The following GRIP2 variants were observed in gnomAD, a reference collection of about 807,000 sequenced individuals.
GRIP2 encodes the protein glutamate receptor-interacting protein 2.
A neutral mutation model predicts 108.3 loss-of-function variants in GRIP2; 58 were observed. The observed-to-expected ratio is 0.54, with a 90% CI of 0.43 to 0.67. The LOEUF is 0.67. Among genes scored for constraint, GRIP2 ranks in the 30% least tolerant of loss-of-function variants. The probability of loss-of-function intolerance (pLI) is 0.00; values close to 1 mark genes in which losing one functional copy is unlikely to be tolerated. For missense variants in GRIP2, 1,278 were observed against 1,430.6 expected, an observed-to-expected ratio of 0.89 and a Z score of 1.72; for synonymous variants, 586 against 598.2, an observed-to-expected ratio of 0.98 and a Z score of 0.30.
chr3:14,573,968 C>T, the GRIP2 span: 6 of 1,080,292 alleles, frequency 5.6e-6, no homozygotes, highest in African/African-American at 1.6e-5. Context: ...TGTGCACCTG[C>T]GGATCCTGGC....
intron 5 of GRIP2, 86 bp downstream of exon 5, chr3:14,523,526 A>G: frequency 2.3e-6 from 2 of 870,468 alleles, no homozygotes; most frequent in Non-Finnish European, 3.8e-6. Context: ...CACATAAATT[A>G]CATTCAAATC....
At chr3:14,578,666 G>A in the GRIP2 span, among the ~76,000 whole-genome samples, 1 of 151,746 alleles carries the variant, frequency 6.6e-6, no homozygotes, top group Non-Finnish European at 1.5e-5. Flanking sequence ...GCAGTGAGCT[G>A]AGATTGTGCC....
At chr3:14,577,413 G>A in the GRIP2 span, among the ~76,000 whole-genome samples, 1 of 152,186 alleles carries the variant, frequency 6.6e-6, no homozygotes, top group East Asian at 1.9e-4. Context: ...CAGAGACAAA[G>A]CAGAGAGAGA....
chr3:14,540,583 G>A (rs988942368), upstream of GRIP2, among the ~76,000 whole-genome samples: 7 of 152,202 alleles, frequency 4.6e-5, no homozygotes, highest in African/African-American at 1.7e-4. The surrounding 1 kb of genome is among the most constrained non-coding windows in gnomAD (Gnocchi z 4.1). Context: ...CTTCCCCCAG[G>A]GCTCTCAGGC....
chr3:14,523,664 T>C lies in GRIP2; in HGVS notation c.438A>G (p.Thr146=). Residue 146 remains threonine, a synonymous_variant, in exon 5 of 24, where the codon ACA becomes ACG. Coordinates refer to ENST00000621039, the MANE Select transcript of GRIP2 (RefSeq NM_001080423.4). ...PENNPRIISK[T]VDVSLYKEGN... ...CCTCCTTGTAGAGGGAGACGTCCAC[T>C]GTCTTTGAAATGATCCTGGGGTTAT... 6.2e-7 allele frequency: 1 copy of C among 1,612,290 alleles called. No homozygotes were observed. Among genetic ancestry groups the C allele is most frequent in the African/African-American group, 1.3e-5 (1 of 75,038 alleles).
chr3:14,569,301 G>A, the GRIP2 span, among the ~76,000 whole-genome samples: 2 of 152,200 alleles, frequency 1.3e-5, no homozygotes, highest in East Asian at 1.9e-4. Flanking sequence ...TCTTAGAATC[G>A]GGCTGTGTCA....
chr3:14,602,827 C>A, the GRIP2 span, among the ~76,000 whole-genome samples: 1 of 151,662 alleles, frequency 6.6e-6, no homozygotes, highest in Non-Finnish European at 1.5e-5. The surrounding 1 kb of genome is among the most constrained non-coding windows in gnomAD (Gnocchi z 4.7). Flanking sequence ...CCCTCCCCGG[C>A]GCCCCAGGCG....
the GRIP2 span, among the ~76,000 whole-genome samples, chr3:14,581,592 A>G: frequency 1.3e-5 from 2 of 152,208 alleles, no homozygotes; most frequent in Non-Finnish European, 2.9e-5. Context: ...TGCTGGAGCC[A>G]TCTGCATGTT....
upstream of GRIP2, among the ~76,000 whole-genome samples, chr3:14,543,234 C>T (rs1211424836): frequency 6.6e-6 from 1 of 152,244 alleles, no homozygotes; most frequent in Non-Finnish European, 1.5e-5. Flanking sequence ...GCATCTGCAT[C>T]ACCCGGAGCT....
rs954854025 is a variant in GRIP2, at chr3:14,493,781, G to A, written c.3016C>T (p.Pro1006Ser). 1 of 1,613,446 alleles carries A rather than the reference G, an allele frequency of 6.2e-7. No homozygotes were observed. Among genetic ancestry groups the A allele is most frequent in the Non-Finnish European group, 8.5e-7 (1 of 1,179,666 alleles). Residue 1006 changes from proline to serine, a missense_variant, in exon 24 of 24, where the codon CCA becomes TCA. Physicochemically the swap from Pro to Ser is moderately conservative, Grantham distance 74 (BLOSUM62 -1). Transcript: ENST00000621039. ...ACATCACCCGCCTCGGCCAGGAGTG[G>A]CACCGCCAGGCAGCAGTCGAAGTCC... ...TRDFDCCLAV[P>S]LLAEAGDVLE...
upstream of GRIP2, among the ~76,000 whole-genome samples, chr3:14,544,280 G>T (rs1468004024): frequency 6.6e-6 from 1 of 152,176 alleles, no homozygotes; most frequent in Non-Finnish European, 1.5e-5. Context: ...TCTCAGTGGG[G>T]CACCACTGGC....
Position 14,505,638 on chromosome 3 carries a change from C to T in GRIP2, c.2550G>A (p.Glu850=), listed in dbSNP as rs752690741. 4.5e-6 allele frequency: 7 copies of T among 1,566,176 alleles called. No homozygotes were observed. Among genetic ancestry groups the T allele is most frequent in the African/African-American group, 2.7e-5 (2 of 73,578 alleles). ...ADESFPEEEE[E]DDWEPPTSPA... ...ACCTCGTTGGCGGCTCCCAATCATC[C>T]TCCTCCTCCTCCTCTGGAAAGCTCT... The change falls in exon 20 of 24, where the codon GAG becomes GAA. Residue 850 remains glutamate, a synonymous_variant. Coordinates refer to ENST00000621039, the MANE Select transcript of GRIP2 (RefSeq NM_001080423.4). The surrounding 1 kb of genome is among the most constrained non-coding windows in gnomAD (Gnocchi z 4.2).
chr3:14,515,512 T>C (rs1694223890), intron 11 of GRIP2, among the ~76,000 whole-genome samples: 1 of 152,070 alleles, frequency 6.6e-6, no homozygotes, highest in Non-Finnish European at 1.5e-5. Context: ...TCAAACAAAA[T>C]TTATTTGGTA....
chr3:14,515,127 A>G (rs1307480902), intron 11 of GRIP2, among the ~76,000 whole-genome samples: 1 of 152,210 alleles, frequency 6.6e-6, no homozygotes, highest in Non-Finnish European at 1.5e-5. Flanking sequence ...TTCACTTGGC[A>G]TAATGTTTTC....
Position 14,520,239 on chromosome 3 carries a change from C to G in GRIP2, c.901G>C (p.Asp301His). The part of the protein sequence containing the change: ...LHPGDHILSI[D>H]GTSMEHCSLL... ...GAGCAGTGTTCCATGCTGGTGCCAT[C>G]GATGGACAGGATGTGGTCTCCAGGG... Residue 301 changes from aspartate (D) to histidine (H), a missense_variant, in exon 9 of 24, where the codon GAT (aspartate) becomes CAT (histidine). Asp to His is a moderately conservative substitution (Grantham distance 81). Coordinates refer to ENST00000621039, the MANE Select transcript of GRIP2 (RefSeq NM_001080423.4). 1 of 1,613,874 alleles carries G rather than the reference C, an allele frequency of 6.2e-7. No individual in the cohort carries two copies. Among genetic ancestry groups the G allele is most frequent in the Non-Finnish European group, 8.5e-7 (1 of 1,179,872 alleles).
In GRIP2 at chr3:14,522,051, T is replaced by C. The variant is rs1212049061; in HGVS notation, c.567-264A>G. 1 of 489,024 alleles carries C rather than the reference T, an allele frequency of 2.0e-6. No individual in the cohort carries two copies. Among genetic ancestry groups the C allele is most frequent in the Non-Finnish European group, 3.6e-6 (1 of 276,412 alleles). The allele number at this position is 489,024 out of a possible 1,614,324, so 30.3% of individuals were successfully genotyped here. A position where few individuals can be genotyped will look rare whatever the true frequency, so the allele number is the denominator to read the frequency against. ...TGCCACTCCTCTGGGTGTGCAGTAA[T>C]TCACAGACTCAGTGCAGAACCCTGA... On this transcript the variant is annotated intron_variant, in intron 6 of 23. Coordinates refer to ENST00000621039, the MANE Select transcript of GRIP2 (RefSeq NM_001080423.4). The surrounding 1 kb of genome is among the most constrained non-coding windows in gnomAD (Gnocchi z 4.3).
the GRIP2 span, among the ~76,000 whole-genome samples, chr3:14,566,789 G>A: frequency 6.6e-6 from 1 of 152,128 alleles, no homozygotes; most frequent in Non-Finnish European, 1.5e-5. Flanking sequence ...GGCTTCCAGT[G>A]AGAGATGCAG....
rs1158315754 is a variant in GRIP2 at position 14,517,054 on chromosome 3, C to T, written c.1306+10G>A. On this transcript the variant is annotated intron_variant, in intron 11 of 23. Coordinates refer to ENST00000621039, the MANE Select transcript of GRIP2 (RefSeq NM_001080423.4). ...GCAGCCCAAGGAGGAGGGAAGAGAC[C>T]ACAGCTTACACGAGCTCTTGTGTTC... 3.9e-6 allele frequency: 6 copies of T among 1,531,870 alleles called. No homozygotes were observed. The Admixed American group carries it at 8.1e-5, about 21-fold the overall frequency. 94.9% of individuals were successfully genotyped at this position (1,531,870 alleles called of 1,614,324 possible). A position where few individuals can be genotyped will look rare whatever the true frequency, so the allele number is the denominator to read the frequency against.
At chr3:14,535,484 A>G (rs1559350222) in intron 1 of GRIP2, among the ~76,000 whole-genome samples, 1 of 152,174 alleles carries the variant, frequency 6.6e-6, no homozygotes, top group Non-Finnish European at 1.5e-5. Flanking sequence ...TCCTAGATCA[A>G]TCATGATGAT....
Sources: gnomAD v4.1 joint callset for allele counts (sites outside exome capture counted in the v4.1 genomes callset) on GRCh38, gnomAD v4.1.1 for gene constraint, Gnocchi (gnomAD v3.1) non-coding constraint, MANE v1.5 for transcripts, NCBI Gene and HGNC (gene_info 2026-07-23, HGNC 2026-07-21) for gene names.